ETNK1: variants seen among roughly 807,000 people sequenced by gnomAD.
ETNK1 encodes ethanolamine kinase 1.
ETNK1 carries 8 observed loss-of-function variants against 45.1 expected under a neutral mutation model. The observed-to-expected ratio is 0.18, with a 90% CI of 0.10 to 0.32. ETNK1 has a LOEUF of 0.32. Ranked by LOEUF, ETNK1 falls within the 10% of genes least tolerant of loss-of-function variation. The pLI, the probability that ETNK1 is intolerant of heterozygous loss-of-function variation, is 1.00. For missense variants in ETNK1, 302 were observed against 430.6 expected (o/e 0.70, Z 2.64); for synonymous variants, 152 against 151.9 (o/e 1.00, Z -0.01).
At chr12:22,671,484 CT>C (rs1461351113) in intron 5 of ETNK1, 129 bp downstream of exon 5, 3 of 685,742 alleles carry the variant, frequency 4.4e-6, no homozygotes, top group African/African-American at 3.6e-5. Context: ...TTTTTCTTTG[CT>C]TTTGTTTATC....
chr12:22,655,319 GGTTT>G (rs1398217199), intron 2 of ETNK1, among the ~76,000 whole-genome samples: 266 of 139,494 alleles, frequency 1.9e-3, no homozygotes, highest in Non-Finnish European at 3.4e-3. Flanking sequence ...GGATATTTGG[GGTTT>G]GTTTGTTTTT....
intron 4 of ETNK1, among the ~76,000 whole-genome samples, chr12:22,665,520 T>C (rs1292910413): frequency 6.6e-6 from 1 of 152,110 alleles, no homozygotes; most frequent in African/African-American, 2.4e-5. Flanking sequence ...TATACTAACA[T>C]AGGGGTTGGC....
At chr12:22,663,890 A>G (rs1565445550) in intron 4 of ETNK1, among the ~76,000 whole-genome samples, 1 of 151,084 alleles carries the variant, frequency 6.6e-6, no homozygotes, top group East Asian at 1.9e-4. Context: ...TATAATGTTC[A>G]TTAGGAAGGC....
chr12:22,661,233 A>C, intron 4 of ETNK1, 28 bp downstream of exon 4: 1 of 1,561,194 alleles, frequency 6.4e-7, no homozygotes, highest in South Asian at 1.2e-5. Context: ...GCAGTAAGTA[A>C]AATTGATTTC....
intron 4 of ETNK1, among the ~76,000 whole-genome samples, chr12:22,669,299 ATTAC>A (rs1467284338): frequency 1.3e-5 from 2 of 151,298 alleles, no homozygotes; most frequent in South Asian, 4.2e-4. Flanking sequence ...ATTTATTTCT[ATTAC>A]TTATTGTACA....
intron 3 of ETNK1, among the ~76,000 whole-genome samples, chr12:22,660,373 A>AT (rs1202755933): frequency 6.6e-6 from 1 of 152,074 alleles, no homozygotes; most frequent in African/African-American, 2.4e-5. Context: ...TGTTTCCTTG[A>AT]TTTTTTAATC....
chr12:22,629,145 A>G (rs1419130535), intron 1 of ETNK1, among the ~76,000 whole-genome samples: 3 of 152,130 alleles, frequency 2.0e-5, no homozygotes, highest in East Asian at 1.9e-4. Context: ...CTGAGCACCT[A>G]CTATATATTG....
chr12:22,646,468 T>G (rs1953808253), intron 2 of ETNK1, among the ~76,000 whole-genome samples: 1 of 151,862 alleles, frequency 6.6e-6, no homozygotes, highest in Non-Finnish European at 1.5e-5. Flanking sequence ...AATTTTATAT[T>G]CTGTGGTTAA....
At position 22,685,660 on chromosome 12, in the gene ETNK1, G is replaced by A. The variant is rs1038715221; in HGVS notation, c.*706G>A. 7.2e-5 allele frequency: 11 copies of A among 151,786 alleles called. No homozygotes were observed. Among genetic ancestry groups the A allele is most frequent in the African/African-American group, 2.7e-4 (11 of 41,382 alleles). 9.4% of individuals were successfully genotyped at this position (151,786 alleles called of 1,614,324 possible). ...TATTTACCATATAATCTTGGAATAA[G>A]TATTAGTTAATGTTACCAAAATCTG... On this transcript the variant is annotated 3_prime_UTR_variant, in exon 8 of 8. Coordinates refer to ENST00000266517, the MANE Select transcript of ETNK1 (RefSeq NM_018638.5).
At chr12:22,663,252 C>G (rs1457329875) in intron 4 of ETNK1, among the ~76,000 whole-genome samples, 2 of 152,138 alleles carry the variant, frequency 1.3e-5, no homozygotes, top group Non-Finnish European at 2.9e-5. Context: ...AGTGTATGAG[C>G]TTGTAAATTC....
chr12:22,664,569 A>G (rs1954036049), intron 4 of ETNK1, among the ~76,000 whole-genome samples: 1 of 152,126 alleles, frequency 6.6e-6, no homozygotes, highest in Non-Finnish European at 1.5e-5. Flanking sequence ...AAGAAATTTT[A>G]TATATTTGAG....
chr12:22,648,069 T>G (rs1953829168), intron 2 of ETNK1, among the ~76,000 whole-genome samples: 1 of 151,900 alleles, frequency 6.6e-6, no homozygotes, highest in Admixed American at 6.6e-5. Context: ...AAGATTTTAG[T>G]TTTTTAGTGC....
At chr12:22,650,360 C>G (rs2137542953) in intron 2 of ETNK1, among the ~76,000 whole-genome samples, 1 of 150,766 alleles carries the variant, frequency 6.6e-6, no homozygotes, top group South Asian at 2.1e-4. Flanking sequence ...TATTCCTGAT[C>G]TTAGTGGGAA....
At chr12:22,660,935 G>T in intron 3 of ETNK1, 128 bp from the exon 4 acceptor site, 8 of 700,428 alleles carry the variant, frequency 1.1e-5, no homozygotes, top group Admixed American at 3.4e-5. Context: ...TAGAATAATT[G>T]GTCTGTTGTT....
chr12:22,653,049 G>T (rs1322603180), intron 2 of ETNK1, among the ~76,000 whole-genome samples: 1 of 152,020 alleles, frequency 6.6e-6, no homozygotes, highest in Non-Finnish European at 1.5e-5. Context: ...CATTCTTTTG[G>T]ATGTGGATAT....
At chr12:22,627,234 T>G (rs1275887761) in intron 1 of ETNK1, among the ~76,000 whole-genome samples, 1 of 152,164 alleles carries the variant, frequency 6.6e-6, no homozygotes, top group Non-Finnish European at 1.5e-5. Flanking sequence ...TAAGCCAGGA[T>G]GTAGGTAAAA....
At chr12:22,644,099 G>GTC in intron 2 of ETNK1, 77 bp downstream of exon 2, 1 of 1,491,280 alleles carries the variant, frequency 6.7e-7, no homozygotes. Context: ...TTTTAAAATT[G>GTC]TCTTTGTTTG....
rs1454410916 is a variant in ETNK1, at chr12:22,686,828, A to G, written c.*1874A>G. The G allele has an allele frequency of 1.3e-5, 2 of 148,654 alleles. No individual in the cohort carries two copies. The highest frequency in any genetic ancestry group is 3.0e-5 in the Non-Finnish European group (2 of 66,820). The allele number at this position is 148,654 out of a possible 1,614,324, so 9.2% of individuals were successfully genotyped here. A position where few individuals can be genotyped will look rare whatever the true frequency, so the allele number is the denominator to read the frequency against. On this transcript the variant is annotated 3_prime_UTR_variant, in exon 8 of 8. Transcript: ENST00000266517. Reference sequence around the variant, plus strand: ...TGGTTAGAACATTTTCATAAAACAGATAAAGAATGTGTAATACTCTTAATT... The same window carrying G: ...TGGTTAGAACATTTTCATAAAACAGGTAAAGAATGTGTAATACTCTTAATT...
intron 3 of ETNK1, among the ~76,000 whole-genome samples, chr12:22,660,494 CTG>C (rs1379721421): frequency 6.6e-6 from 1 of 152,160 alleles, no homozygotes; most frequent in Non-Finnish European, 1.5e-5. Flanking sequence ...TCTCACTACT[CTG>C]TGGCAATTTC....
Sources: allele counts gnomAD v4.1 joint callset (sites outside exome capture counted in the v4.1 genomes callset), GRCh38; gene constraint gnomAD v4.1.1; transcripts MANE v1.5; gene names NCBI Gene and HGNC (gene_info 2026-07-23, HGNC 2026-07-21).